The following TMEM196 variants were observed in gnomAD, a reference collection of about 807,000 sequenced individuals.
TMEM196 encodes the protein transmembrane protein 196.
A neutral mutation model predicts 20.0 loss-of-function variants in TMEM196; 17 were observed. The observed-to-expected ratio is 0.85, with a 90% confidence interval of 0.58 to 1.27. The LOEUF is 1.27. Ranked by LOEUF, TMEM196 falls within the 50% of genes most tolerant of loss-of-function variation. TMEM196 has a pLI of 0.00. For missense variants in TMEM196, 267 were observed against 223.0 expected (o/e 1.20, Z -1.26); for synonymous variants, 113 against 88.9 (o/e 1.27, Z -1.52).
chr7:19,752,599 T>G (rs1037560728), intron 1 of TMEM196, among the ~76,000 whole-genome samples: 1 of 151,976 alleles, frequency 6.6e-6, no homozygotes, highest in Non-Finnish European at 1.5e-5. Context: ...TAATTTAATT[T>G]TATGTATTTC....
At chr7:19,722,730 TTAA>T (rs1376943627) in intron 4 of TMEM196, among the ~76,000 whole-genome samples, 2 of 152,088 alleles carry the variant, frequency 1.3e-5, no homozygotes, top group African/African-American at 4.8e-5. Flanking sequence ...TACTAAAAAG[TTAA>T]TAAGTAAAAC....
chr7:19,747,216 C>T (rs1438431579), intron 1 of TMEM196, among the ~76,000 whole-genome samples: 1 of 149,046 alleles, frequency 6.7e-6, no homozygotes, highest in Non-Finnish European at 1.5e-5. Context: ...GATCGCGCCA[C>T]TGCACTCCAG....
intron 1 of TMEM196, among the ~76,000 whole-genome samples, chr7:19,734,282 A>G (rs981673324): frequency 1.3e-5 from 2 of 152,218 alleles, no homozygotes; most frequent in African/African-American, 4.8e-5. Context: ...AAACTTTTCA[A>G]TGTATATCCA....
At position 19,720,857 on chromosome 7, in the gene TMEM196, T is replaced by C. The variant is rs1375855734; in HGVS notation, c.*1271A>G. ...AGATTACAGCAAAGGTAATTATAACTTCATTGTTGGGGGGTTACATCATCT... is the reference window on the plus strand; with the variant it reads ...AGATTACAGCAAAGGTAATTATAACCTCATTGTTGGGGGGTTACATCATCT... On this transcript the variant is annotated 3_prime_UTR_variant, in exon 5 of 5. Transcript: ENST00000405844. The C allele has an allele frequency of 2.0e-5, 3 of 151,910 alleles. No homozygotes were observed. The highest frequency in any genetic ancestry group is 1.9e-4 in the East Asian group (1 of 5,200). The allele number at this position is 151,910 out of a possible 1,614,324, so 9.4% of individuals were successfully genotyped here.
At chr7:19,765,324 G>A (rs1785584281) in intron 1 of TMEM196, among the ~76,000 whole-genome samples, 1 of 152,098 alleles carries the variant, frequency 6.6e-6, no homozygotes, top group African/African-American at 2.4e-5. Flanking sequence ...GGAACTTAGA[G>A]TTGCTTCTTG....
intron 1 of TMEM196, among the ~76,000 whole-genome samples, chr7:19,766,557 T>G (rs188570572): frequency 6.6e-6 from 1 of 151,120 alleles, no homozygotes; most frequent in East Asian, 1.9e-4. Context: ...ATATATTACA[T>G]ATGATAAATA....
intron 1 of TMEM196, among the ~76,000 whole-genome samples, chr7:19,746,575 T>C (rs1301381269): frequency 1.3e-5 from 2 of 152,242 alleles, no homozygotes; most frequent in Non-Finnish European, 2.9e-5. Context: ...ACTGAACTCA[T>C]AGCTATATGC....
intron 1 of TMEM196, among the ~76,000 whole-genome samples, chr7:19,747,579 T>C (rs1424292532): frequency 1.3e-5 from 2 of 152,052 alleles, no homozygotes; most frequent in Non-Finnish European, 2.9e-5. Flanking sequence ...GATACATTTT[T>C]TTCATGTCAT....
chr7:19,759,519 C>G (rs549894693), intron 1 of TMEM196, among the ~76,000 whole-genome samples: 1 of 152,210 alleles, frequency 6.6e-6, no homozygotes, highest in South Asian at 2.1e-4. Context: ...CTTCTGAACT[C>G]TAGACCTATT....
In TMEM196 at chr7:19,770,991, C is replaced by G. The variant is rs1785851285; in HGVS notation, c.147+1559G>C. Among the ~76,000 whole-genome samples, 4 of 152,034 alleles carry G rather than the reference C, an allele frequency of 2.6e-5. No homozygotes were observed. In the South Asian group the frequency reaches 8.3e-4, roughly 32 times the overall value. On this transcript the variant is annotated intron_variant, in intron 1 of 4. Coordinates refer to ENST00000405844, the MANE Select transcript of TMEM196 (RefSeq NM_001363562.2). ...AGCTGTAGAGTATTTAAGGCTTCTC[C>G]CCATTAAGATATCATAAGATCACCT...
Position 19,731,754 on chromosome 7 carries a change from T to G in TMEM196, c.148-2316A>C, listed in dbSNP as rs192285073. Among the ~76,000 whole-genome samples the G allele has an allele frequency of 2.4e-3, 373 of 152,342 alleles. 1 individual carries two copies. Among genetic ancestry groups the G allele is most frequent in the African/African-American group, 8.6e-3 (358 of 41,578 alleles). On this transcript the variant is annotated intron_variant, in intron 1 of 4. Transcript: ENST00000405844. ...GTGGCAATAAATTTGCTATTTTGTA[T>G]TATCTCACTTCAATTGGATGGAGCT...
chr7:19,727,701 T>G (rs1460392999), intron 2 of TMEM196, among the ~76,000 whole-genome samples: 5 of 152,180 alleles, frequency 3.3e-5, no homozygotes, highest in African/African-American at 1.2e-4. Context: ...TTAATTATTG[T>G]TATAGAGAAA....
intron 1 of TMEM196, among the ~76,000 whole-genome samples, chr7:19,736,527 T>G (rs969731199): frequency 6.6e-6 from 1 of 151,256 alleles, no homozygotes; most frequent in Non-Finnish European, 1.5e-5. Flanking sequence ...AAAATTAGAG[T>G]ATCCGGGGTA....
chr7:19,724,262 C>A lies in TMEM196; in HGVS notation c.533+18G>T, dbSNP rs528096457. ...GCAGCGACATTACAACATGGTAACT[C>A]CCTAGAAATCAGCGTACCTTGTAGG... On this transcript the variant is annotated intron_variant, in intron 4 of 4. Transcript: ENST00000405844. The A allele has an allele frequency of 6.5e-7, 1 of 1,549,692 alleles. No individual in the cohort carries two copies. The highest frequency in any genetic ancestry group is 1.4e-5 in the African/African-American group (1 of 73,112).
chr7:19,769,619 C>T (rs994049337), intron 1 of TMEM196, among the ~76,000 whole-genome samples: 2 of 152,086 alleles, frequency 1.3e-5, no homozygotes, highest in Non-Finnish European at 2.9e-5. Context: ...ATTCAATTTA[C>T]TAAGAACATT....
intron 1 of TMEM196, among the ~76,000 whole-genome samples, chr7:19,761,970 G>A (rs896741560): frequency 1.3e-5 from 2 of 152,120 alleles, no homozygotes; most frequent in Non-Finnish European, 2.9e-5. Context: ...TATGCATTGT[G>A]TTCTGTTCCA....
chr7:19,758,595 T>C (rs1785308875), intron 1 of TMEM196, among the ~76,000 whole-genome samples: 1 of 152,254 alleles, frequency 6.6e-6, no homozygotes, highest in Non-Finnish European at 1.5e-5. Flanking sequence ...TTAGTTTACT[T>C]ATTTGTGAAA....
At chr7:19,735,383 C>T (rs1050150018) in intron 1 of TMEM196, among the ~76,000 whole-genome samples, 2 of 152,158 alleles carry the variant, frequency 1.3e-5, no homozygotes, top group Admixed American at 1.3e-4. Context: ...CAGAAAAGTA[C>T]TCTGTTAGAA....
rs1384481549 is a variant in TMEM196 at position 19,724,316 on chromosome 7, C to A, written c.497G>T (p.Cys166Phe). ...RAIEITDLPS[C>F]PVVPPTPELP... ...CTCTGGTGTCGGGGGCACCACCGGGCAGCTGGGCAAGTCGGTTATTTCAAT... is the reference window on the plus strand; with the variant it reads ...CTCTGGTGTCGGGGGCACCACCGGGAAGCTGGGCAAGTCGGTTATTTCAAT... The change falls in exon 4 of 5, where the codon TGC becomes TTC. Residue 166 changes from cysteine to phenylalanine, a missense_variant. By Grantham distance (205) the Cys-to-Phe change is radical (BLOSUM62 -2). Transcript: ENST00000405844. The A allele has an allele frequency of 2.8e-5, 44 of 1,550,280 alleles. No individual in the cohort carries two copies. The highest frequency in any genetic ancestry group is 1.7e-4 in the Middle Eastern group (1 of 6,012).
Sources: allele counts gnomAD v4.1 joint callset (sites outside exome capture counted in the v4.1 genomes callset), GRCh38; gene constraint gnomAD v4.1.1; transcripts MANE v1.5; gene names NCBI Gene and HGNC (gene_info 2026-07-23, HGNC 2026-07-21).